The following SPATA6 variants were observed in gnomAD, a reference collection of about 807,000 sequenced individuals.
SPATA6 encodes the protein spermatogenesis-associated protein 6.
A neutral mutation model predicts 65.3 loss-of-function variants in SPATA6; 56 were observed. The ratio of observed to expected loss-of-function variants is 0.86; its 90% CI spans 0.69 to 1.07. The LOEUF is 1.07. Ranked by LOEUF, SPATA6 falls within the 50% of genes least tolerant of loss-of-function variation. The pLI, the probability that SPATA6 is intolerant of heterozygous loss-of-function variation, is 0.00. For missense variants in SPATA6, 590 were observed against 594.8 expected (o/e 0.99, Z 0.08); for synonymous variants, 199 against 213.2 (o/e 0.93, Z 0.58).
At chr1:48,421,519 A>G (rs1162048302) in intron 3 of SPATA6, among the ~76,000 whole-genome samples, 1 of 152,154 alleles carries the variant, frequency 6.6e-6, no homozygotes, top group African/African-American at 2.4e-5. Context: ...CAAACTAATA[A>G]TATTTTTAAG....
chr1:48,410,522 C>A lies in SPATA6; in HGVS notation c.405+942G>T, dbSNP rs77375388. ...ATAGCAATGCCACACTACCTCGGTA[C>A]CAATGTACTGTATTAATCCATTGTC... On this transcript the variant is annotated intron_variant, in intron 5 of 12. Coordinates refer to ENST00000371847, the MANE Select transcript of SPATA6 (RefSeq NM_019073.4). Among the ~76,000 whole-genome samples the A allele has an allele frequency of 9.5e-3, 1,454 of 152,266 alleles. 22 individuals are homozygous for A. Among genetic ancestry groups the A allele is most frequent in the South Asian group, 0.039 (186 of 4,820 alleles).
chr1:48,403,431 G>T (rs906069561), intron 6 of SPATA6, among the ~76,000 whole-genome samples: 2 of 152,116 alleles, frequency 1.3e-5, no homozygotes, highest in African/African-American at 4.8e-5. Flanking sequence ...GGTATCCTTT[G>T]AACTTTTTGC....
At chr1:48,280,262 A>T in the SPATA6 span, among the ~76,000 whole-genome samples, 3 of 152,220 alleles carry the variant, frequency 2.0e-5, no homozygotes, top group South Asian at 2.1e-4. Flanking sequence ...CTAACATCAC[A>T]ATTAAAAGAA....
intron 1 of SPATA6, among the ~76,000 whole-genome samples, chr1:48,466,459 GAACA>G (rs550457335): frequency 1.7e-4 from 26 of 152,056 alleles, no homozygotes; most frequent in African/African-American, 6.0e-4. Context: ...ACAAAAATCT[GAACA>G]AACAATACAC....
chr1:48,263,822 T>TTTGTTG, the SPATA6 span, among the ~76,000 whole-genome samples: 1 of 152,084 alleles, frequency 6.6e-6, no homozygotes, highest in Non-Finnish European at 1.5e-5. Flanking sequence ...GAAGCCAGTT[T>TTTGTTG]TTGTTGTTGT....
intron 6 of SPATA6, 66 bp from the exon 7 acceptor site, chr1:48,399,710 A>C: frequency 7.1e-7 from 1 of 1,404,022 alleles, no homozygotes. Context: ...TGGTGGGGAA[A>C]AAATTAAAAA....
intron 11 of SPATA6, among the ~76,000 whole-genome samples, chr1:48,335,961 G>T (rs1646047493): frequency 6.6e-6 from 1 of 152,002 alleles, no homozygotes; most frequent in Non-Finnish European, 1.5e-5. Context: ...CCATTAAAAA[G>T]TGGGCAAAGG....
intron 9 of SPATA6, among the ~76,000 whole-genome samples, chr1:48,361,442 T>A (rs1646809329): frequency 6.6e-6 from 1 of 152,086 alleles, no homozygotes; most frequent in African/African-American, 2.4e-5. Flanking sequence ...AAAAATAGCT[T>A]TAACGGAGTG....
At chr1:48,419,559 GATAA>G (rs1039039382) in intron 3 of SPATA6, among the ~76,000 whole-genome samples, 27 of 152,146 alleles carry the variant, frequency 1.8e-4, no homozygotes, top group African/African-American at 6.5e-4. Context: ...GGCATGAGGA[GATAA>G]ATAAAGAAGA....
At chr1:48,420,071 C>T (rs1026580950) in intron 3 of SPATA6, among the ~76,000 whole-genome samples, 1 of 152,092 alleles carries the variant, frequency 6.6e-6, no homozygotes, top group African/African-American at 2.4e-5. Flanking sequence ...CCCCCACAAA[C>T]TCTAGGAGGA....
intron 3 of SPATA6, among the ~76,000 whole-genome samples, chr1:48,433,409 T>C (rs1427057041): frequency 1.3e-5 from 2 of 152,152 alleles, no homozygotes; most frequent in Non-Finnish European, 2.9e-5. Context: ...GTAAACTACA[T>C]CTACTGGAAC....
intron 1 of SPATA6, among the ~76,000 whole-genome samples, chr1:48,460,888 A>G (rs1277664728): frequency 3.9e-5 from 6 of 151,954 alleles, no homozygotes; most frequent in Admixed American, 1.3e-4. Flanking sequence ...TCTAAAAACA[A>G]TAAGTTTTTT....
chr1:48,425,408 T>G (rs551069861), intron 3 of SPATA6, among the ~76,000 whole-genome samples: 6 of 152,266 alleles, frequency 3.9e-5, no homozygotes, highest in African/African-American at 1.4e-4. Flanking sequence ...CAGTGAGTGG[T>G]GGTTATATGG....
chr1:48,337,090 C>A (rs1646081449), intron 11 of SPATA6, among the ~76,000 whole-genome samples: 1 of 151,838 alleles, frequency 6.6e-6, no homozygotes, highest in African/African-American at 2.4e-5. Flanking sequence ...GAGAATATTA[C>A]AAGAAAGGAA....
chr1:48,411,955 A>G (rs1041430557), intron 4 of SPATA6, among the ~76,000 whole-genome samples: 1 of 151,120 alleles, frequency 6.6e-6, no homozygotes, highest in Non-Finnish European at 1.5e-5. Flanking sequence ...CCTCCACCCC[A>G]CCCTGGGTTC....
chr1:48,305,403 GTTA>G (rs1157535786), intron 12 of SPATA6, among the ~76,000 whole-genome samples: 3 of 152,166 alleles, frequency 2.0e-5, no homozygotes, highest in African/African-American at 7.2e-5. Flanking sequence ...TTGTACAAAT[GTTA>G]TTATTAACAT....
At chr1:48,400,274 A>G (rs1365163500) in intron 6 of SPATA6, among the ~76,000 whole-genome samples, 1 of 151,968 alleles carries the variant, frequency 6.6e-6, no homozygotes. Context: ...TTCTGGTCCC[A>G]TATTTTTATA....
the SPATA6 span, among the ~76,000 whole-genome samples, chr1:48,277,509 G>A: frequency 6.6e-6 from 1 of 152,306 alleles, no homozygotes; most frequent in East Asian, 1.9e-4. Context: ...CTTAAAAAAC[G>A]GTGCACCAGG....
At chr1:48,418,871 G>A (rs1653059069) in intron 3 of SPATA6, among the ~76,000 whole-genome samples, 1 of 150,416 alleles carries the variant, frequency 6.6e-6, no homozygotes, top group Non-Finnish European at 1.5e-5. Flanking sequence ...GAAGGAGAGG[G>A]AGGAAGGAAA....
Sources: allele counts gnomAD v4.1 joint callset (sites outside exome capture counted in the v4.1 genomes callset), GRCh38; gene constraint gnomAD v4.1.1; transcripts MANE v1.5; gene names NCBI Gene and HGNC (gene_info 2026-07-23, HGNC 2026-07-21).